The following GRIP1 variants were observed in gnomAD, a reference collection of about 807,000 sequenced individuals.
GRIP1 encodes glutamate receptor-interacting protein 1.
A neutral mutation model predicts 129.9 loss-of-function variants in GRIP1; 45 were observed. The ratio of observed to expected loss-of-function variants is 0.35; its 90% CI spans 0.27 to 0.44. The LOEUF is 0.44. Ranked by LOEUF, GRIP1 falls within the 20% of genes least tolerant of loss-of-function variation. The probability of loss-of-function intolerance (pLI) is 1.00; values close to 1 mark genes in which losing one functional copy is unlikely to be tolerated. For synonymous variants in GRIP1, 530 were observed against 520.8 expected, an observed-to-expected ratio of 1.02 and a Z score of -0.24; for missense variants, 1,196 against 1,396.8, an observed-to-expected ratio of 0.86 and a Z score of 2.29.
chr12:66,592,694 C>T (rs2063891327), intron 2 of GRIP1, among the ~76,000 whole-genome samples: 2 of 152,158 alleles, frequency 1.3e-5, no homozygotes. Context: ...CCTGTCTTCC[C>T]TTCACAAATG....
chr12:66,477,003 A>G (rs1158277776), intron 7 of GRIP1, among the ~76,000 whole-genome samples: 2 of 152,246 alleles, frequency 1.3e-5, no homozygotes, highest in East Asian at 3.8e-4. Context: ...CTCCTATTCA[A>G]CATAGTGTTG....
chr12:66,678,883 A>G lies in GRIP1; in HGVS notation c.22T>C (p.Cys8Arg). MIAVSFK[C>R]RCQILRRLTK... Reference sequence around the variant, plus strand: ...AGTCGCCTCAGAATTTGACAACGGCATTTAAAAGAGACAGCTATCATTCTT... The same window carrying G: ...AGTCGCCTCAGAATTTGACAACGGCGTTTAAAAGAGACAGCTATCATTCTT... The change falls in exon 1 of 25, where the codon TGC becomes CGC. Residue 8 changes from cysteine (C) to arginine (R), a missense_variant. By Grantham distance (180) the Cys-to-Arg change is radical (BLOSUM62 -3). Transcript: ENST00000359742. The G allele has an allele frequency of 6.2e-7, 1 of 1,613,530 alleles. No individual in the cohort carries two copies. The highest frequency in any genetic ancestry group is 8.5e-7 in the Non-Finnish European group (1 of 1,179,632).
chr12:66,504,975 T>G (rs938347605), intron 7 of GRIP1, among the ~76,000 whole-genome samples: 4 of 152,186 alleles, frequency 2.6e-5, no homozygotes, highest in Non-Finnish European at 5.9e-5. Flanking sequence ...CCTGTCTCTT[T>G]GTCTTGATTT....
intron 13 of GRIP1, among the ~76,000 whole-genome samples, chr12:66,441,352 C>T (rs1040858733): frequency 5.9e-5 from 9 of 151,948 alleles, no homozygotes; most frequent in Non-Finnish European, 1.3e-4. Context: ...CTCAGTATTC[C>T]TCAGGCAGAG....
chr12:66,678,777 T>A, intron 1 of GRIP1, 73 bp downstream of exon 1: 1 of 1,409,640 alleles, frequency 7.1e-7, no homozygotes, highest in Non-Finnish European at 1.0e-6. Context: ...TATTTGAAAG[T>A]AAAAACCATT....
intron 1 of GRIP1, among the ~76,000 whole-genome samples, chr12:66,722,821 T>C (rs929941809): frequency 2.0e-5 from 3 of 152,178 alleles, no homozygotes; most frequent in Admixed American, 6.5e-5. Flanking sequence ...AGGTAAATGA[T>C]ATGAAGATAA....
chr12:66,721,014 C>T (rs879531679), intron 1 of GRIP1, among the ~76,000 whole-genome samples: 1 of 152,084 alleles, frequency 6.6e-6, no homozygotes, highest in Non-Finnish European at 1.5e-5. Flanking sequence ...TATAACCTTA[C>T]AAAATATATT....
At chr12:66,989,243 A>G (rs771314964) in intron 1 of GRIP1, among the ~76,000 whole-genome samples, 3 of 152,254 alleles carry the variant, frequency 2.0e-5, no homozygotes, top group Non-Finnish European at 2.9e-5. Flanking sequence ...AACTTGCTGC[A>G]GCTTCACAAT....
chr12:66,673,597 G>T (rs976881033), intron 1 of GRIP1, among the ~76,000 whole-genome samples: 2 of 152,126 alleles, frequency 1.3e-5, no homozygotes, highest in Admixed American at 1.3e-4. Context: ...AAATAAATGC[G>T]CCATTATGAT....
chr12:66,458,460 C>T (rs961412419), intron 9 of GRIP1, among the ~76,000 whole-genome samples: 29 of 152,350 alleles, frequency 1.9e-4, no homozygotes, highest in African/African-American at 6.7e-4. Flanking sequence ...TCTCAGCTCA[C>T]TGCAAACTCT....
intron 1 of GRIP1, among the ~76,000 whole-genome samples, chr12:66,874,919 C>T (rs951102660): frequency 6.7e-6 from 1 of 149,916 alleles, no homozygotes; most frequent in Middle Eastern, 3.2e-3. Context: ...TCAGCTTACA[C>T]ATTAGCAGCC....
intron 1 of GRIP1, among the ~76,000 whole-genome samples, chr12:66,892,610 A>AT (rs2040680522): frequency 6.6e-6 from 1 of 152,122 alleles, no homozygotes; most frequent in Non-Finnish European, 1.5e-5. Context: ...ATATATACAC[A>AT]TTTTTGCTAT....
chr12:66,563,649 TG>T (rs1000010867), intron 2 of GRIP1: 1 of 158,526 alleles, frequency 6.3e-6, no homozygotes, highest in African/African-American at 2.4e-5. Context: ...TGGAAGATGT[TG>T]GGTTTATGAT....
Position 66,564,812 on chromosome 12 carries a change from C to T in GRIP1, c.137-22862G>A, listed in dbSNP as rs12422336. Reference sequence around the variant, plus strand: ...TGTTGTTTCCTGACTTTTTAATGATCGCCATTCTAACTGGTGTGAGATGGT... The same window carrying T: ...TGTTGTTTCCTGACTTTTTAATGATTGCCATTCTAACTGGTGTGAGATGGT... On this transcript the variant is annotated intron_variant, in intron 2 of 24. Coordinates refer to ENST00000359742, the MANE Select transcript of GRIP1 (RefSeq NM_001366722.1). Among the ~76,000 whole-genome samples, 498 of 152,262 alleles carry T rather than the reference C, an allele frequency of 3.3e-3. 14 individuals are homozygous for T. The highest frequency in any genetic ancestry group is 0.027 in the Admixed American group (416 of 15,280).
chr12:67,007,818 C>T (rs76748700), intron 1 of GRIP1, among the ~76,000 whole-genome samples: 2,290 of 152,204 alleles, frequency 0.015, 36 homozygotes, highest in Non-Finnish European at 0.024. Context: ...TATCAACTTG[C>T]GGGAATTTAA....
At chr12:66,577,516 T>C (rs1315344228) in intron 2 of GRIP1, among the ~76,000 whole-genome samples, 3 of 152,206 alleles carry the variant, frequency 2.0e-5, no homozygotes, top group African/African-American at 7.2e-5. Flanking sequence ...TTCTATTTCA[T>C]CATTGTGTAA....
chr12:66,511,911 A>AT (rs2060709578), intron 7 of GRIP1, among the ~76,000 whole-genome samples: 1 of 152,066 alleles, frequency 6.6e-6, no homozygotes, highest in Non-Finnish European at 1.5e-5. Flanking sequence ...TTGAATTGTA[A>AT]TCCCACATGT....
chr12:66,796,962 A>G (rs770453437), intron 1 of GRIP1, among the ~76,000 whole-genome samples: 1 of 152,170 alleles, frequency 6.6e-6, no homozygotes, highest in Non-Finnish European at 1.5e-5. Context: ...CAGTTTCTAC[A>G]TATCTATAAA....
intron 7 of GRIP1, among the ~76,000 whole-genome samples, chr12:66,510,268 G>A (rs2060658433): frequency 6.6e-6 from 1 of 152,104 alleles, no homozygotes; most frequent in Non-Finnish European, 1.5e-5. Context: ...GTCTCCATCA[G>A]TGCATTGGCC....
Sources: allele counts gnomAD v4.1 joint callset (sites outside exome capture counted in the v4.1 genomes callset), GRCh38; gene constraint gnomAD v4.1.1; transcripts MANE v1.5; gene names NCBI Gene and HGNC (gene_info 2026-07-23, HGNC 2026-07-21).